Variants in AKAP7 observed in about 807,000 individuals in gnomAD.
AKAP7 encodes the protein A-kinase anchoring protein 7, also known as A kinase (PRKA) anchor protein 7.
In AKAP7, 39 loss-of-function variants were observed where a neutral mutation model predicts 39.5. The ratio of observed to expected loss-of-function variants is 0.99; its 90% CI spans 0.76 to 1.29. The LOEUF is 1.29. Among genes scored for constraint, AKAP7 ranks in the 50% most tolerant of loss-of-function variants. The pLI, the probability that AKAP7 is intolerant of heterozygous loss-of-function variation, is 0.00. For missense variants in AKAP7, 414 were observed against 407.7 expected (o/e 1.02, Z -0.13); for synonymous variants, 140 against 139.1 (o/e 1.01, Z -0.05).
intron 5 of AKAP7, among the ~76,000 whole-genome samples, chr6:131,188,845 G>A (rs1370049448): frequency 6.6e-6 from 1 of 151,536 alleles, no homozygotes; most frequent in African/African-American, 2.4e-5. Context: ...GAGCCACCTC[G>A]CCTAGCCCCA....
chr6:131,185,032 G>A (rs1362778662), intron 5 of AKAP7: 9 of 735,782 alleles, frequency 1.2e-5, no homozygotes, highest in South Asian at 2.7e-5. Context: ...ATCCGCTTTC[G>A]TGCTTGACTG....
chr6:131,223,174 G>A (rs554705478), intron 7 of AKAP7, among the ~76,000 whole-genome samples: 1 of 152,208 alleles, frequency 6.6e-6, no homozygotes, highest in East Asian at 1.9e-4. Context: ...AAATTCATGT[G>A]GCTTGCATTA....
chr6:131,252,492 A>G (rs896694268), intron 7 of AKAP7, among the ~76,000 whole-genome samples: 1 of 152,202 alleles, frequency 6.6e-6, no homozygotes, highest in South Asian at 2.1e-4. Context: ...ATGGAAACAC[A>G]TATGCACATT....
rs781662937 is a variant in AKAP7 at position 131,145,351 on chromosome 6, C to G, written c.86C>G (p.Ala29Gly). The change falls in exon 2 of 8, where the codon GCC becomes GGC. Residue 29 changes from alanine (A) to glycine (G), a missense_variant. Transcript: ENST00000431975. ...AAGAAAATGTCAGAGGAATTTGAAG[C>G]CAATACTATGGATTCTCTGGTAGAC... ...RKKKMSEEFE[A>G]NTMDSLVDMP... 3.4e-5 allele frequency: 54 copies of G among 1,569,068 alleles called. No individual in the cohort carries two copies. Among genetic ancestry groups the G allele is most frequent in the Middle Eastern group, 1.7e-4 (1 of 5,912 alleles).
intron 7 of AKAP7, among the ~76,000 whole-genome samples, chr6:131,263,232 G>A (rs1813504005): frequency 6.6e-6 from 1 of 152,198 alleles, no homozygotes; most frequent in Non-Finnish European, 1.5e-5. Flanking sequence ...CCAACTTACA[G>A]ACACCACCTC....
intron 7 of AKAP7, among the ~76,000 whole-genome samples, chr6:131,246,951 C>T (rs563512127): frequency 8.5e-5 from 11 of 129,460 alleles, no homozygotes; most frequent in African/African-American, 3.4e-4. Flanking sequence ...AGTTCAGATC[C>T]CCTTATTGTC....
intron 3 of AKAP7, 122 bp downstream of exon 3, chr6:131,160,320 C>A (rs1383184794): frequency 3.1e-5 from 29 of 938,088 alleles, no homozygotes; most frequent in Non-Finnish European, 4.4e-5. Flanking sequence ...TTTAGCAGGA[C>A]TGTCCAGGGA....
intron 1 of AKAP7, among the ~76,000 whole-genome samples, chr6:131,144,966 C>T (rs1442470154): frequency 9.2e-5 from 14 of 152,002 alleles, no homozygotes; most frequent in Non-Finnish European, 4.4e-5. Flanking sequence ...TTAAAAGGTA[C>T]GTGAAAAAAC....
chr6:131,231,360 C>CA, intron 7 of AKAP7, among the ~76,000 whole-genome samples: 1 of 151,386 alleles, frequency 6.6e-6, no homozygotes, highest in East Asian at 2.0e-4. Flanking sequence ...AAAACATTTG[C>CA]GTTTTTTTTT....
intron 7 of AKAP7, among the ~76,000 whole-genome samples, chr6:131,255,342 T>G (rs1812757776): frequency 6.6e-6 from 1 of 152,204 alleles, no homozygotes; most frequent in Admixed American, 6.5e-5. Context: ...TCAATCAGCC[T>G]ATCAGATGAT....
At chr6:131,266,245 G>C (rs545052873) in intron 7 of AKAP7, among the ~76,000 whole-genome samples, 10 of 152,152 alleles carry the variant, frequency 6.6e-5, no homozygotes, top group African/African-American at 2.4e-4. Flanking sequence ...GGTGGCCTGT[G>C]GGGGAAGCCC....
Position 131,282,680 on chromosome 6 carries a change from A to G in AKAP7, c.*954A>G, listed in dbSNP as rs944410852. 1.0e-5 allele frequency: 13 copies of G among 1,290,714 alleles called. No individual in the cohort carries two copies. The East Asian group carries it at 2.5e-4, about 25-fold the overall frequency. 80.0% of individuals were successfully genotyped at this position (1,290,714 alleles called of 1,614,324 possible). ...TTAAGTAGCTCTTTGGTAAACACCA[A>G]AGAAGTTTCTGATAGTGTCTGCACA... On this transcript the variant is annotated 3_prime_UTR_variant, in exon 8 of 8. Transcript: ENST00000431975.
chr6:131,250,413 C>A, intron 7 of AKAP7: 2 of 1,455,070 alleles, frequency 1.4e-6, no homozygotes, highest in South Asian at 1.5e-5. Context: ...TCCTTTCTCT[C>A]CCCCGGCGGC....
chr6:131,179,387 T>C (rs1009416092), intron 5 of AKAP7, among the ~76,000 whole-genome samples: 2 of 152,152 alleles, frequency 1.3e-5, no homozygotes, highest in Non-Finnish European at 2.9e-5. Context: ...TTGGCCAGGC[T>C]GGTCTCAAAC....
intron 7 of AKAP7, among the ~76,000 whole-genome samples, chr6:131,232,549 C>T (rs539162877): frequency 8.5e-5 from 13 of 152,136 alleles, no homozygotes; most frequent in African/African-American, 2.7e-4. Flanking sequence ...CGTTACTGGC[C>T]GGCCGGTGGC....
At chr6:131,149,408 G>A (rs902010858) in intron 2 of AKAP7, among the ~76,000 whole-genome samples, 1 of 152,234 alleles carries the variant, frequency 6.6e-6, no homozygotes, top group Non-Finnish European at 1.5e-5. Flanking sequence ...GCCGAGTTGG[G>A]CGGATCTTTT....
intron 2 of AKAP7, among the ~76,000 whole-genome samples, chr6:131,146,492 T>C (rs1801498619): frequency 1.3e-5 from 2 of 152,152 alleles, no homozygotes; most frequent in Admixed American, 1.3e-4. Context: ...TATGTCATTG[T>C]AAAAACAACA....
At chr6:131,246,096 T>G (rs1320182933) in intron 7 of AKAP7, among the ~76,000 whole-genome samples, 1 of 65,094 alleles carries the variant, frequency 1.5e-5, no homozygotes, top group African/African-American at 9.5e-5. Flanking sequence ...GAAGTCCAAA[T>G]ATATATATAT....
At chr6:131,216,342 C>T (rs1809173553) in intron 6 of AKAP7, among the ~76,000 whole-genome samples, 1 of 152,140 alleles carries the variant, frequency 6.6e-6, no homozygotes, top group South Asian at 2.1e-4. Context: ...TTAAATTATG[C>T]ACATCATTTA....
Sources: allele counts gnomAD v4.1 joint callset (sites outside exome capture counted in the v4.1 genomes callset), GRCh38; gene constraint gnomAD v4.1.1; transcripts MANE v1.5; gene names NCBI Gene and HGNC (gene_info 2026-07-23, HGNC 2026-07-21).